Variants in HSD17B12 observed in about 807,000 individuals in gnomAD.
HSD17B12 encodes the protein very-long-chain 3-oxoacyl-CoA reductase.
A neutral mutation model predicts 39.3 loss-of-function variants in HSD17B12; 32 were observed. That is an observed-to-expected ratio of 0.81 (90% confidence interval 0.61 to 1.09). HSD17B12 has a LOEUF of 1.09. Among genes scored for constraint, HSD17B12 ranks in the 50% least tolerant of loss-of-function variants. The pLI is 0.00. For missense variants in HSD17B12, 342 were observed against 382.9 expected (o/e 0.89, Z 0.89); for synonymous variants, 150 against 146.7 (o/e 1.02, Z -0.16).
chr11:43,709,491 A>G (rs931179217), intron 1 of HSD17B12, among the ~76,000 whole-genome samples: 13 of 152,316 alleles, frequency 8.5e-5, no homozygotes, highest in African/African-American at 2.9e-4. Context: ...AAAGAAGGAT[A>G]TATTATCATT....
chr11:43,703,579 C>T (rs1324418215), intron 1 of HSD17B12, among the ~76,000 whole-genome samples: 1 of 152,124 alleles, frequency 6.6e-6, no homozygotes, highest in East Asian at 1.9e-4. Context: ...CTTTTTATTA[C>T]AGCTTCTGTG....
intron 3 of HSD17B12, among the ~76,000 whole-genome samples, chr11:43,763,082 T>G (rs1950567411): frequency 6.6e-6 from 1 of 152,196 alleles, no homozygotes; most frequent in African/African-American, 2.4e-5. Flanking sequence ...TAGTGCTGCA[T>G]AGCGGTTAAT....
At chr11:43,589,019 A>G in the HSD17B12 span, among the ~76,000 whole-genome samples, 2 of 151,502 alleles carry the variant, frequency 1.3e-5, no homozygotes, top group Non-Finnish European at 2.9e-5. Context: ...TGATGGGGAG[A>G]AAAAGCAATT....
chr11:43,830,899 G>A lies in HSD17B12; in HGVS notation c.502-77G>A, dbSNP rs1565105190. On this transcript the variant is annotated intron_variant, in intron 6 of 10. Transcript: ENST00000278353. ...GTTTCATGATTCCCTTCTTTTTAGT[G>A]TGGGTGAGTTTTCTTCACTCTTTTT... 9.6e-6 allele frequency: 11 copies of A among 1,147,652 alleles called. No homozygotes were observed. In the East Asian group the frequency reaches 2.4e-4, roughly 25 times the overall value. 71.1% of individuals were successfully genotyped at this position (1,147,652 alleles called of 1,614,324 possible). A position where few individuals can be genotyped will look rare whatever the true frequency, so the allele number is the denominator to read the frequency against.
At chr11:43,734,571 C>T in intron 1 of HSD17B12, 1 of 497,484 alleles carries the variant, frequency 2.0e-6, no homozygotes. Context: ...CCAGTGAGGG[C>T]CCACCCTGCC....
chr11:43,603,817 C>G, the HSD17B12 span, among the ~76,000 whole-genome samples: 1 of 152,010 alleles, frequency 6.6e-6, no homozygotes. Context: ...ATAAAAAATT[C>G]CTTTGAAGGA....
intron 4 of HSD17B12, among the ~76,000 whole-genome samples, chr11:43,803,465 C>T (rs1007474593): frequency 6.6e-6 from 1 of 152,086 alleles, no homozygotes; most frequent in African/African-American, 2.4e-5. Flanking sequence ...CATATTAAGT[C>T]ATAGGAAGGA....
At chr11:43,591,284 TATAA>T in the HSD17B12 span, among the ~76,000 whole-genome samples, 1 of 152,198 alleles carries the variant, frequency 6.6e-6, no homozygotes, top group Non-Finnish European at 1.5e-5. Flanking sequence ...TAGGCCATAA[TATAA>T]ATAGATGTCT....
At chr11:43,744,745 A>G (rs1950398659) in intron 1 of HSD17B12, among the ~76,000 whole-genome samples, 2 of 152,242 alleles carry the variant, frequency 1.3e-5, no homozygotes, top group Admixed American at 1.3e-4. Context: ...AGGTGTATTC[A>G]GGAATGTTCT....
intron 6 of HSD17B12, among the ~76,000 whole-genome samples, chr11:43,817,020 ATC>A (rs1303199214): frequency 0.059 from 1,660 of 28,258 alleles, 64 homozygotes; most frequent in East Asian, 0.24. Flanking sequence ...CTATATCTAT[ATC>A]TATATCTATA....
At chr11:43,786,309 C>G (rs967978265) in intron 3 of HSD17B12, among the ~76,000 whole-genome samples, 2 of 152,184 alleles carry the variant, frequency 1.3e-5, no homozygotes, top group South Asian at 4.1e-4. Context: ...GATTTGTACT[C>G]AAATAGAGGT....
At chr11:43,590,237 T>C in the HSD17B12 span, among the ~76,000 whole-genome samples, 1 of 151,734 alleles carries the variant, frequency 6.6e-6, no homozygotes, top group African/African-American at 2.4e-5. Context: ...GGGCTGGGGC[T>C]GAGTCTGGAG....
chr11:43,563,594 C>T, the HSD17B12 span, among the ~76,000 whole-genome samples: 4 of 152,204 alleles, frequency 2.6e-5, no homozygotes, highest in South Asian at 2.1e-4. Context: ...GTGGGAGGAT[C>T]GCTTGAGCCC....
chr11:43,854,591 C>T, intron 9 of HSD17B12, 124 bp from the exon 10 acceptor site: 1 of 1,068,822 alleles, frequency 9.4e-7, no homozygotes. Flanking sequence ...CTTCTCTTTT[C>T]TTCTCTCTCT....
chr11:43,710,446 C>T (rs891052217), intron 1 of HSD17B12, among the ~76,000 whole-genome samples: 8 of 152,148 alleles, frequency 5.3e-5, no homozygotes, highest in African/African-American at 1.9e-4. Flanking sequence ...ATCTCAGAGA[C>T]ACTGCCAGAG....
intron 5 of HSD17B12, 103 bp downstream of exon 5, chr11:43,815,604 C>A (rs1373851991): frequency 3.1e-6 from 2 of 638,150 alleles, no homozygotes; most frequent in African/African-American, 3.6e-5. Flanking sequence ...GTGGTTCACA[C>A]GCTGGCTCTT....
chr11:43,810,524 GTTC>G (rs1409620326), intron 4 of HSD17B12, among the ~76,000 whole-genome samples: 1 of 152,060 alleles, frequency 6.6e-6, no homozygotes, highest in African/African-American at 2.4e-5. Context: ...GCCTATGTCA[GTTC>G]TTCTCTGCAA....
chr11:43,778,479 A>T (rs1950732764), intron 3 of HSD17B12, among the ~76,000 whole-genome samples: 1 of 151,788 alleles, frequency 6.6e-6, no homozygotes, highest in Non-Finnish European at 1.5e-5. Flanking sequence ...TCCCTAACTC[A>T]TTTTATGAGG....
At chr11:43,661,393 T>C in the HSD17B12 span, among the ~76,000 whole-genome samples, 1 of 152,210 alleles carries the variant, frequency 6.6e-6, no homozygotes, top group Non-Finnish European at 1.5e-5. Context: ...TGACTACACA[T>C]AAAATTTGTA....
Sources: gnomAD v4.1 joint callset for allele counts (sites outside exome capture counted in the v4.1 genomes callset) on GRCh38, gnomAD v4.1.1 for gene constraint, MANE v1.5 for transcripts, NCBI Gene and HGNC (gene_info 2026-07-23, HGNC 2026-07-21) for gene names.